Variants in NKAIN3 observed in about 807,000 individuals in gnomAD.
The protein encoded by NKAIN3 is sodium/potassium transporting ATPase interacting 3, also known as sodium/potassium-transporting ATPase subunit beta-1-interacting protein 3.
In NKAIN3, 25 loss-of-function variants were observed where a neutral mutation model predicts 30.2. The observed-to-expected ratio is 0.83, with a 90% CI of 0.60 to 1.16. The LOEUF is 1.16. Among genes scored for constraint, NKAIN3 ranks in the 50% most tolerant of loss-of-function variants. The pLI is 0.00. For missense variants in NKAIN3, 225 were observed against 254.1 expected, an observed-to-expected ratio of 0.89 and a Z score of 0.78; for synonymous variants, 91 against 89.6, an observed-to-expected ratio of 1.02 and a Z score of -0.09.
intron 1 of NKAIN3, among the ~76,000 whole-genome samples, chr8:62,436,922 G>A (rs1324338362): frequency 6.6e-6 from 1 of 151,948 alleles, no homozygotes; most frequent in East Asian, 1.9e-4. Context: ...AAAAGAGGGT[G>A]GCATATTAAA....
intron 6 of NKAIN3, among the ~76,000 whole-genome samples, chr8:62,962,024 A>G (rs1231912585): frequency 6.6e-6 from 1 of 152,210 alleles, no homozygotes; most frequent in Non-Finnish European, 1.5e-5. Flanking sequence ...AATTTGGCCC[A>G]GGCAGTTCTC....
intron 1 of NKAIN3, among the ~76,000 whole-genome samples, chr8:62,264,842 G>A (rs763016859): frequency 4.6e-5 from 7 of 152,100 alleles, no homozygotes; most frequent in Non-Finnish European, 8.8e-5. Flanking sequence ...TGGGACTGTA[G>A]CCTGGCTGCG....
At chr8:62,913,462 G>A (rs994175603) in intron 4 of NKAIN3, among the ~76,000 whole-genome samples, 5 of 152,128 alleles carry the variant, frequency 3.3e-5, no homozygotes, top group East Asian at 1.9e-4. Context: ...GCTGTTATGC[G>A]ATGCGTGACT....
chr8:62,463,221 G>A (rs957928751), intron 1 of NKAIN3, among the ~76,000 whole-genome samples: 48 of 152,170 alleles, frequency 3.2e-4, no homozygotes, highest in Non-Finnish European at 7.3e-5. Context: ...TGAATAATAA[G>A]TTTGGTCCAT....
intron 1 of NKAIN3, among the ~76,000 whole-genome samples, chr8:62,519,219 A>T (rs1808083642): frequency 6.6e-6 from 1 of 152,132 alleles, no homozygotes; most frequent in Non-Finnish European, 1.5e-5. Context: ...TCAAAAGGTC[A>T]AGGAAAAGAT....
At chr8:62,311,631 A>G (rs1028581091) in intron 1 of NKAIN3, among the ~76,000 whole-genome samples, 1 of 150,406 alleles carries the variant, frequency 6.6e-6, no homozygotes, top group South Asian at 2.1e-4. Context: ...TTTTAACTGG[A>G]TCAAGTCTGT....
At chr8:62,774,876 T>A (rs1048342472) in intron 4 of NKAIN3, among the ~76,000 whole-genome samples, 1 of 152,182 alleles carries the variant, frequency 6.6e-6, no homozygotes, top group African/African-American at 2.4e-5. Flanking sequence ...TTTATTGATA[T>A]GTTTTTGCCT....
At chr8:62,909,691 T>C (rs960659933) in intron 4 of NKAIN3, among the ~76,000 whole-genome samples, 3 of 113,596 alleles carry the variant, frequency 2.6e-5, no homozygotes, top group African/African-American at 1.0e-4. Context: ...GTTTGGTTAA[T>C]CACAATAGCA....
At chr8:62,466,142 A>G (rs1806154607) in intron 1 of NKAIN3, among the ~76,000 whole-genome samples, 1 of 152,146 alleles carries the variant, frequency 6.6e-6, no homozygotes, top group South Asian at 2.1e-4. Context: ...AACAAATTGG[A>G]AGAGAACCTT....
intron 4 of NKAIN3, among the ~76,000 whole-genome samples, chr8:62,905,982 T>C (rs988643695): frequency 2.0e-5 from 3 of 152,208 alleles, no homozygotes; most frequent in African/African-American, 7.2e-5. Flanking sequence ...CAAGCAACCT[T>C]CGTGCATGAG....
intron 3 of NKAIN3, among the ~76,000 whole-genome samples, chr8:62,725,558 CAGAT>C (rs1815229606): frequency 1.3e-5 from 2 of 152,108 alleles, no homozygotes; most frequent in South Asian, 2.1e-4. Flanking sequence ...TATATGCAGA[CAGAT>C]AGGAGAGTTT....
intron 4 of NKAIN3, among the ~76,000 whole-genome samples, chr8:62,747,411 G>A (rs1326530795): frequency 6.6e-6 from 1 of 152,038 alleles, no homozygotes; most frequent in Non-Finnish European, 1.5e-5. Context: ...CACCAGAAGT[G>A]GTCCCTTTTC....
At chr8:62,767,192 C>G (rs1223693479) in intron 4 of NKAIN3, among the ~76,000 whole-genome samples, 1 of 152,120 alleles carries the variant, frequency 6.6e-6, no homozygotes, top group Non-Finnish European at 1.5e-5. Context: ...CCTCCAGGCT[C>G]TGGATTGGAC....
At chr8:62,318,199 A>G (rs1806752427) in intron 1 of NKAIN3, among the ~76,000 whole-genome samples, 1 of 152,190 alleles carries the variant, frequency 6.6e-6, no homozygotes, top group Admixed American at 6.5e-5. Flanking sequence ...GGGGTTTTCT[A>G]GATATGCAAT....
chr8:62,674,527 C>T (rs1213195952), intron 3 of NKAIN3, among the ~76,000 whole-genome samples: 5 of 152,072 alleles, frequency 3.3e-5, no homozygotes, highest in East Asian at 1.9e-4. Context: ...GGGATGGGGG[C>T]GAGAGAATGG....
intron 3 of NKAIN3, among the ~76,000 whole-genome samples, chr8:62,624,041 C>T (rs118102319): frequency 0.08 from 12,193 of 152,114 alleles, 680 homozygotes; most frequent in Middle Eastern, 0.14. Context: ...ACTGATGTTG[C>T]CATGGCATTT....
At chr8:62,959,753 A>T (rs1478569759) in intron 6 of NKAIN3, among the ~76,000 whole-genome samples, 1 of 152,122 alleles carries the variant, frequency 6.6e-6, no homozygotes, top group Non-Finnish European at 1.5e-5. Context: ...CACTGTTCCC[A>T]CTACTAAGGG....
chr8:62,797,249 G>A (rs1280415698), intron 4 of NKAIN3, among the ~76,000 whole-genome samples: 2 of 152,116 alleles, frequency 1.3e-5, no homozygotes, highest in Non-Finnish European at 2.9e-5. Flanking sequence ...ACATAAATGG[G>A]CTCTCTTGTT....
intron 1 of NKAIN3, among the ~76,000 whole-genome samples, chr8:62,337,045 C>T (rs1815575555): frequency 6.6e-6 from 1 of 152,068 alleles, no homozygotes; most frequent in Admixed American, 6.6e-5. Flanking sequence ...TCTTCTCTCC[C>T]TCCCTCGGTA....
Sources: gnomAD v4.1 joint callset for allele counts (sites outside exome capture counted in the v4.1 genomes callset) on GRCh38, gnomAD v4.1.1 for gene constraint, MANE v1.5 for transcripts, NCBI Gene and HGNC (gene_info 2026-07-23, HGNC 2026-07-21) for gene names.